KCNIP4: variants seen among roughly 807,000 people sequenced by gnomAD.
KCNIP4 encodes the protein potassium voltage-gated channel interacting protein 4.
KCNIP4 carries 12 observed loss-of-function variants against 34.0 expected under a neutral mutation model. That is an observed-to-expected ratio of 0.35 (90% CI 0.23 to 0.57). KCNIP4 has a LOEUF of 0.57. Among genes scored for constraint, KCNIP4 ranks in the 20% least tolerant of loss-of-function variants. The probability of loss-of-function intolerance (pLI) is 0.83; values close to 1 mark genes in which losing one functional copy is unlikely to be tolerated. For synonymous variants in KCNIP4, 124 were observed against 102.2 expected (o/e 1.21, Z -1.29); for missense variants, 238 against 311.7 (o/e 0.76, Z 1.78).
At chr4:21,440,480 C>T (rs1046572574) in intron 1 of KCNIP4, among the ~76,000 whole-genome samples, 2 of 152,188 alleles carry the variant, frequency 1.3e-5, no homozygotes, top group African/African-American at 4.8e-5. Context: ...GCCCTATTCT[C>T]TAGAGGAACC....
chr4:21,451,095 G>T (rs571710602), intron 1 of KCNIP4, among the ~76,000 whole-genome samples: 1 of 152,056 alleles, frequency 6.6e-6, no homozygotes, highest in African/African-American at 2.4e-5. Context: ...AAAAAAATTG[G>T]GGTAATGGAA....
At chr4:21,819,851 A>G (rs1015171226) in intron 1 of KCNIP4, among the ~76,000 whole-genome samples, 8 of 152,110 alleles carry the variant, frequency 5.3e-5, no homozygotes, top group African/African-American at 1.4e-4. Flanking sequence ...ATTATGAGAC[A>G]GTCCTTTTTG....
At chr4:21,433,485 C>T (rs536716029) in intron 1 of KCNIP4, among the ~76,000 whole-genome samples, 1 of 152,282 alleles carries the variant, frequency 6.6e-6, no homozygotes, top group African/African-American at 2.4e-5. Context: ...CTAAACTGAA[C>T]CTCTAGCCTT....
intron 1 of KCNIP4, among the ~76,000 whole-genome samples, chr4:21,430,084 A>G (rs1726304094): frequency 6.6e-6 from 1 of 152,168 alleles, no homozygotes; most frequent in South Asian, 2.1e-4. Flanking sequence ...TAATGTTTTT[A>G]GCATTAGCAG....
intron 1 of KCNIP4, among the ~76,000 whole-genome samples, chr4:21,291,100 C>T (rs899643014): frequency 6.6e-6 from 1 of 152,188 alleles, no homozygotes; most frequent in East Asian, 1.9e-4. Context: ...TTTCAACCCA[C>T]AGACAAGCTT....
chr4:21,296,366 C>A (rs937739217), intron 1 of KCNIP4, among the ~76,000 whole-genome samples: 7 of 150,900 alleles, frequency 4.6e-5, no homozygotes, highest in African/African-American at 1.2e-4. Flanking sequence ...AATGAAGCAA[C>A]TTTTGGTTTA....
intron 1 of KCNIP4, among the ~76,000 whole-genome samples, chr4:21,717,694 T>G (rs1291941293): frequency 6.6e-6 from 1 of 152,180 alleles, no homozygotes; most frequent in African/African-American, 2.4e-5. Flanking sequence ...TGATCAGACT[T>G]TGCACATATT....
rs539711665 is a variant in KCNIP4, at chr4:21,459,594, C to T, written c.61+488977G>A. 8.5e-5 allele frequency among the ~76,000 whole-genome samples: 13 copies of T among 152,154 alleles called. No homozygotes were observed. In the East Asian group the frequency reaches 2.5e-3, roughly 30 times the overall value. On this transcript the variant is annotated intron_variant, in intron 1 of 8. Transcript: ENST00000382152. ...CCCTCCAGACTCATACATCCAATTG[C>T]CTGCTTGGCAACTCTGTTGGGTATC...
chr4:21,227,728 C>A (rs550594960), intron 1 of KCNIP4, among the ~76,000 whole-genome samples: 1 of 152,244 alleles, frequency 6.6e-6, no homozygotes, highest in East Asian at 1.9e-4. Context: ...AAATCAATTC[C>A]ATTCTAGTTA....
intron 1 of KCNIP4, among the ~76,000 whole-genome samples, chr4:21,768,202 A>T (rs910019922): frequency 1.3e-5 from 2 of 152,132 alleles, no homozygotes; most frequent in African/African-American, 4.8e-5. Context: ...GCTTTTTAAG[A>T]CCTAGGATTT....
At position 21,049,773 on chromosome 4, in the gene KCNIP4, C is replaced by T. The variant is rs114488600; in HGVS notation, c.62-167064G>A. ...CTCAGTGACCCCTAGTCATTCTACA[C>T]TCTTTACCTTCCACTCCAGGTGGCA... On this transcript the variant is annotated intron_variant, in intron 1 of 8. Transcript: ENST00000382152. Among the ~76,000 whole-genome samples, 1,004 of 152,326 alleles carry T rather than the reference C, an allele frequency of 6.6e-3. 9 individuals carry two copies. The highest frequency in any genetic ancestry group is 0.022 in the African/African-American group (917 of 41,578).
chr4:21,079,467 C>A (rs1560702675), intron 1 of KCNIP4, among the ~76,000 whole-genome samples: 1 of 149,920 alleles, frequency 6.7e-6, no homozygotes, highest in Admixed American at 6.6e-5. Flanking sequence ...TGTGACCTGC[C>A]ATCCTACACT....
chr4:20,761,578 G>C (rs1312511198), intron 3 of KCNIP4, among the ~76,000 whole-genome samples: 1 of 152,148 alleles, frequency 6.6e-6, no homozygotes, highest in Non-Finnish European at 1.5e-5. Flanking sequence ...CCATCAGGTG[G>C]CAAGCTTGTG....
Position 21,333,121 on chromosome 4 carries a change from C to A in KCNIP4, c.62-450412G>T, listed in dbSNP as rs189844791. ...CATGCTCTTGAAATAGATGTCCCTT[C>A]AATCCCACAGAAACATGTAATTTTT... On this transcript the variant is annotated intron_variant, in intron 1 of 8. Transcript: ENST00000382152. Among the ~76,000 whole-genome samples the A allele has an allele frequency of 2.0e-5, 3 of 152,158 alleles. No homozygotes were observed. The East Asian group carries it at 5.8e-4, about 29-fold the overall frequency.
intron 1 of KCNIP4, among the ~76,000 whole-genome samples, chr4:21,052,661 T>G (rs1016427150): frequency 1.6e-4 from 25 of 152,186 alleles, no homozygotes; most frequent in Admixed American, 1.6e-3. Flanking sequence ...TCCTTACCTC[T>G]TGGTATAATT....
chr4:20,987,107 T>A (rs1736647174), intron 1 of KCNIP4, among the ~76,000 whole-genome samples: 1 of 152,126 alleles, frequency 6.6e-6, no homozygotes, highest in African/African-American at 2.4e-5. Flanking sequence ...GGAATGATGT[T>A]TATCTAGCGC....
At chr4:20,920,255 A>G (rs1271149429) in intron 1 of KCNIP4, among the ~76,000 whole-genome samples, 5 of 152,196 alleles carry the variant, frequency 3.3e-5, no homozygotes, top group Non-Finnish European at 7.3e-5. Flanking sequence ...TAATTCTTGT[A>G]GGCTAAATGA....
intron 1 of KCNIP4, among the ~76,000 whole-genome samples, chr4:21,678,460 T>C (rs1750085486): frequency 6.6e-6 from 1 of 152,188 alleles, no homozygotes; most frequent in African/African-American, 2.4e-5. Flanking sequence ...CTGCTGTGTT[T>C]AGAATGCTGC....
At chr4:21,132,838 G>C (rs1040747882) in intron 1 of KCNIP4, among the ~76,000 whole-genome samples, 1 of 134,916 alleles carries the variant, frequency 7.4e-6, no homozygotes, top group Non-Finnish European at 1.5e-5. Context: ...GTGAAATGTC[G>C]TCTCTACTAA....
Sources: allele counts gnomAD v4.1 joint callset (sites outside exome capture counted in the v4.1 genomes callset), GRCh38; gene constraint gnomAD v4.1.1; transcripts MANE v1.5; gene names NCBI Gene and HGNC (gene_info 2026-07-23, HGNC 2026-07-21).